Variants in EFS observed in about 807,000 individuals in gnomAD.
EFS encodes embryonal Fyn-associated substrate.
EFS carries 34 observed loss-of-function variants against 42.2 expected under a neutral mutation model. The ratio of observed to expected loss-of-function variants is 0.81; its 90% confidence interval spans 0.61 to 1.07. EFS has a LOEUF of 1.07. EFS is among the 50% of genes least tolerant of loss of function. The pLI is 0.00. For missense variants in EFS, 717 were observed against 729.4 expected, an observed-to-expected ratio of 0.98 and a Z score of 0.20; for synonymous variants, 299 against 320.7, an observed-to-expected ratio of 0.93 and a Z score of 0.72.
chr14:23,362,695 G>C (rs1015184024), intron 1 of EFS, among the ~76,000 whole-genome samples: 58 of 152,298 alleles, frequency 3.8e-4, no homozygotes, highest in African/African-American at 1.3e-3. Flanking sequence ...CACAGTTCTA[G>C]AGGCAGACCT....
chr14:23,362,030 A>G (rs1890170919), intron 1 of EFS, among the ~76,000 whole-genome samples: 2 of 148,730 alleles, frequency 1.3e-5, no homozygotes, highest in South Asian at 2.1e-4. Flanking sequence ...TACTTAAAAG[A>G]AAGAGTAGTA....
Position 23,360,151 on chromosome 14 carries a change from T to C in EFS, c.428A>G (p.Asp143Gly), listed in dbSNP as rs1566491539. Residue 143 changes from aspartate (D) to glycine (G), a missense_variant, in exon 3 of 6, where the codon GAT (aspartate) becomes GGT (glycine). Transcript: ENST00000216733. The part of the protein sequence containing the change: ...ASGTQLAAPR[D>G]ALEVYDVPPT... ...ACCTCTAGCCCTCACCTCCAAGGCA[T>C]CTCTGGGAGCAGCCAGCTGGGTCCC... 3 of 1,614,156 alleles carry C rather than the reference T, an allele frequency of 1.9e-6. No individual in the cohort carries two copies. The highest frequency in any genetic ancestry group is 1.7e-6 in the Non-Finnish European group (2 of 1,180,022).
At position 23,359,745 on chromosome 14, in the gene EFS, C is replaced by G. The variant is rs1478976176; in HGVS notation, c.733G>C (p.Gly245Arg). 6.6e-7 allele frequency: 1 copy of G among 1,516,126 alleles called. No homozygotes were observed. Among genetic ancestry groups the G allele is most frequent in the Admixed American group, 2.3e-5 (1 of 43,846 alleles). 93.9% of individuals were successfully genotyped at this position (1,516,126 alleles called of 1,614,324 possible). ...TAGATCCCCTCATCAGTGCCCCCGC[C>G]CTCCCCGTCTGCCAGCAGTTCCTCG... ...APEELLADGEGGGTDEGIYDV... is the reference protein window; with the variant it reads ...APEELLADGERGGTDEGIYDV... The change falls in exon 4 of 6, where the codon GGC (glycine) becomes CGC (arginine). Residue 245 changes from glycine (G) to arginine (R), a missense_variant. Gly to Arg is a moderately radical substitution (Grantham distance 125, BLOSUM62 -2). Coordinates refer to ENST00000216733, the MANE Select transcript of EFS (RefSeq NM_005864.4).
Position 23,357,529 on chromosome 14 carries a change from G to A in EFS, c.1383C>T (p.Thr461=), listed in dbSNP as rs1336790819. 1.9e-6 allele frequency: 3 copies of A among 1,613,534 alleles called. No individual in the cohort carries two copies. Among genetic ancestry groups the A allele is most frequent in the South Asian group, 2.2e-5 (2 of 91,006 alleles). ...QAAVAALMSS[T]QANQPPRLFV... is the part of the protein sequence containing the mutation. ...AAAGGCGCGGGGGCTGATTAGCCTG[G>A]GTACTGGACATCAGGGCTGCCACGG... The change falls in exon 6 of 6, where the codon ACC becomes ACT. Residue 461 remains threonine, a synonymous_variant. Transcript: ENST00000216733.
At position 23,365,034 on chromosome 14, in the gene EFS, C is replaced by T. The variant is rs760709714; in HGVS notation, c.-9G>A. On this transcript the variant is annotated 5_prime_UTR_variant, in exon 1 of 6. Coordinates refer to ENST00000216733, the MANE Select transcript of EFS (RefSeq NM_005864.4). This position sits in a 1 kb window ranked among gnomAD's most constrained non-coding sequence, Gnocchi z 5.3. ...GACGTGGCAATGGCCATGGCTTTGG[C>T]CTCCCGCGCAGCCTGCCTCAGGCCA... The T allele has an allele frequency of 3.8e-6, 5 of 1,329,908 alleles. No homozygotes were observed. Among genetic ancestry groups the T allele is most frequent in the East Asian group, 5.8e-5 (2 of 34,710 alleles). The allele number at this position is 1,329,908 out of a possible 1,614,324, so 82.4% of individuals were successfully genotyped here.
rs1595022211 is a variant in EFS, at chr14:23,357,051, G to A, written c.*175C>T. The A allele has an allele frequency of 2.1e-6, 1 of 475,814 alleles. No individual in the cohort carries two copies. Among genetic ancestry groups the A allele is most frequent in the East Asian group, 3.3e-5 (1 of 30,240 alleles). 29.5% of individuals were successfully genotyped at this position (475,814 alleles called of 1,614,324 possible). On this transcript the variant is annotated 3_prime_UTR_variant, in exon 6 of 6. Coordinates refer to ENST00000216733, the MANE Select transcript of EFS (RefSeq NM_005864.4). ...TTACACAAAATGGCTTGTACAAAAA[G>A]CTGTAGGTTAGGGGGAGAAGACACC...
rs1188866564 is a variant in EFS, at chr14:23,357,470, G to A, written c.1442C>T (p.Ala481Val). The A allele has an allele frequency of 6.2e-7, 1 of 1,613,872 alleles. No individual in the cohort carries two copies. Among genetic ancestry groups the A allele is most frequent in the Non-Finnish European group, 8.5e-7 (1 of 1,180,014 alleles). ...VPHSKRVVVA[A>V]HRLVFVGDTL... Reference sequence around the variant, plus strand: ...GTCCCCAACAAACACCAGGCGATGAGCAGCCACCACCACCCTCTTGCTGTG... The same window carrying A: ...GTCCCCAACAAACACCAGGCGATGAACAGCCACCACCACCCTCTTGCTGTG... The change falls in exon 6 of 6, where the codon GCT becomes GTT. Residue 481 changes from alanine to valine, a missense_variant. Physicochemically the swap from Ala to Val is moderately conservative, Grantham distance 64. Coordinates refer to ENST00000216733, the MANE Select transcript of EFS (RefSeq NM_005864.4).
chr14:23,364,237 T>C (rs1028397955), intron 1 of EFS, among the ~76,000 whole-genome samples: 2 of 152,206 alleles, frequency 1.3e-5, no homozygotes, highest in African/African-American at 2.4e-5. Flanking sequence ...TTCTGTCCAA[T>C]GGAGCCAAGC....
intron 2 of EFS, 62 bp from the exon 3 acceptor site, chr14:23,360,343 T>G: frequency 1.3e-6 from 2 of 1,556,592 alleles, no homozygotes; most frequent in Non-Finnish European, 1.7e-6. Flanking sequence ...AGATAATGTC[T>G]GAGTGCGAGG....
At position 23,357,455 on chromosome 14, in the gene EFS, A is replaced by G. The variant is rs1490003783; in HGVS notation, c.1457T>C (p.Phe486Ser). The stretch of plus-strand genomic sequence containing the variant: ...CAGCCGGCCCAGGGTGTCCCCAACA[A>G]ACACCAGGCGATGAGCAGCCACCAC... ...RVVVAAHRLV[F>S]VGDTLGRLAA... Residue 486 changes from phenylalanine (F) to serine (S), a missense_variant, in exon 6 of 6, where the codon TTT becomes TCT. Transcript: ENST00000216733. The G allele has an allele frequency of 3.1e-6, 5 of 1,613,804 alleles. No individual in the cohort carries two copies. In the African/African-American group the frequency reaches 5.3e-5, roughly 17 times the overall value.
chr14:23,361,380 TGA>T (rs1325819482), intron 1 of EFS, among the ~76,000 whole-genome samples: 1 of 152,186 alleles, frequency 6.6e-6, no homozygotes, highest in South Asian at 2.1e-4. Context: ...CCTCTCATTC[TGA>T]GAGACTGGGA....
In EFS at chr14:23,360,146, A is replaced by AG. The variant is rs1160112745; in HGVS notation, c.432dup (p.Glu146GlyfsTer19). 6.2e-7 allele frequency: 1 copy of AG among 1,614,142 alleles called. No homozygotes were observed. On this transcript the variant is annotated frameshift_variant, in exon 3 of 6. Coordinates refer to ENST00000216733, the MANE Select transcript of EFS (RefSeq NM_005864.4). LOFTEE classifies it high-confidence loss of function. ...CAGGGACCTCTAGCCCTCACCTCCAAGGCATCTCTGGGAGCAGCCAGCTGG... is the reference window on the plus strand; with the variant it reads ...CAGGGACCTCTAGCCCTCACCTCCAAGGGCATCTCTGGGAGCAGCCAGCTGG...
chr14:23,362,176 C>G (rs1377471628), intron 1 of EFS, among the ~76,000 whole-genome samples: 4 of 152,240 alleles, frequency 2.6e-5, no homozygotes, highest in Non-Finnish European at 1.5e-5. Context: ...CAAGCTAAAA[C>G]CACTCAAAAC....
chr14:23,360,738 C>T lies in EFS; in HGVS notation c.114G>A (p.Glu38=), dbSNP rs768106724. The part of the protein sequence containing the change: ...RGDVLRVLQR[E]GAGGLDGWCL... ...ACCAGCCGTCCAGTCCACCAGCGCC[C>T]TCTCTCTGCAGGACCCGTAGGACAT... is the stretch of plus-strand genomic sequence containing the variant. Residue 38 remains glutamate (E), a synonymous_variant, in exon 2 of 6, where the codon GAG becomes GAA. Transcript: ENST00000216733. The T allele has an allele frequency of 6.2e-7, 1 of 1,614,098 alleles. No homozygotes were observed. The highest frequency in any genetic ancestry group is 8.5e-7 in the Non-Finnish European group (1 of 1,180,010).
Position 23,360,737 on chromosome 14 carries a change from C to T in EFS, c.115G>A (p.Gly39Ser), listed in dbSNP as rs760172126. Residue 39 changes from glycine (G) to serine (S), a missense_variant, in exon 2 of 6, where the codon GGC becomes AGC. By Grantham distance (56) the Gly-to-Ser change is moderately conservative. Transcript: ENST00000216733. ...GDVLRVLQRE[G>S]AGGLDGWCLC... Reference sequence around the variant, plus strand: ...CACCAGCCGTCCAGTCCACCAGCGCCCTCTCTCTGCAGGACCCGTAGGACA... The same window carrying T: ...CACCAGCCGTCCAGTCCACCAGCGCTCTCTCTCTGCAGGACCCGTAGGACA... The T allele has an allele frequency of 3.7e-6, 6 of 1,614,014 alleles. No homozygotes were observed. The South Asian group carries it at 5.5e-5, about 15-fold the overall frequency.
intron 1 of EFS, 80 bp downstream of exon 1, chr14:23,364,928 G>A (rs1890271852): frequency 1.7e-6 from 2 of 1,188,432 alleles, no homozygotes; most frequent in Non-Finnish European, 1.1e-6. Flanking sequence ...GACAAAGAGA[G>A]GGCAGAAATA....
At chr14:23,363,794 T>C (rs866572085) in intron 1 of EFS, among the ~76,000 whole-genome samples, 105 of 151,972 alleles carry the variant, frequency 6.9e-4, no homozygotes, top group African/African-American at 2.2e-3. Context: ...AAAAAGCTGA[T>C]GTGGTGGTGC....
At chr14:23,357,923 G>A (rs1420401623) in intron 5 of EFS, among the ~76,000 whole-genome samples, 1 of 151,948 alleles carries the variant, frequency 6.6e-6, no homozygotes, top group Non-Finnish European at 1.5e-5. Context: ...GGGAGTCTAG[G>A]ACTGCACTGT....
intron 4 of EFS, 57 bp from the exon 5 acceptor site, chr14:23,359,022 C>G (rs1890023674): frequency 1.1e-5 from 16 of 1,488,034 alleles, no homozygotes; most frequent in Admixed American, 2.1e-5. Flanking sequence ...GGGGTGGCCT[C>G]TGTGGCCTTT....
Sources: allele counts gnomAD v4.1 joint callset (sites outside exome capture counted in the v4.1 genomes callset), GRCh38; gene constraint gnomAD v4.1.1; non-coding constraint Gnocchi (gnomAD v3.1); transcripts MANE v1.5; gene names NCBI Gene and HGNC (gene_info 2026-07-23, HGNC 2026-07-21).